ARHGAP21: variants seen among roughly 807,000 people sequenced by gnomAD.
The protein encoded by ARHGAP21 is rho GTPase-activating protein 21.
ARHGAP21 carries 38 observed loss-of-function variants against 164.6 expected under a neutral mutation model. The observed-to-expected ratio is 0.23, with a 90% CI of 0.18 to 0.30. The LOEUF (loss-of-function observed/expected upper bound fraction) is 0.30, where lower values mean the gene tolerates loss of function less well. Among genes scored for constraint, ARHGAP21 ranks in the 10% least tolerant of loss-of-function variants. ARHGAP21 has a pLI of 1.00. For synonymous variants in ARHGAP21, 766 were observed against 857.9 expected (o/e 0.89, Z 1.87); for missense variants, 1,822 against 2,370.7 (o/e 0.77, Z 4.81).
intron 4 of ARHGAP21, among the ~76,000 whole-genome samples, chr10:24,659,078 T>C (rs775722890): frequency 6.6e-6 from 1 of 152,192 alleles, no homozygotes; most frequent in African/African-American, 2.4e-5. Flanking sequence ...CCCTCATTCA[T>C]TGCTGGTGGA....
At chr10:24,596,394 G>A (rs1028040326) in intron 17 of ARHGAP21, 7 of 459,262 alleles carry the variant, frequency 1.5e-5, no homozygotes, top group African/African-American at 1.0e-4. Flanking sequence ...TAGCATGGGT[G>A]TTTTAAATAT....
chr10:24,666,483 T>A (rs1215417544), intron 4 of ARHGAP21, among the ~76,000 whole-genome samples: 6 of 152,230 alleles, frequency 3.9e-5, no homozygotes, highest in Non-Finnish European at 7.3e-5. Context: ...TTTTAACTCA[T>A]TCAAGTTGAT....
chr10:24,627,476 T>C (rs1235057013), intron 7 of ARHGAP21, among the ~76,000 whole-genome samples: 5 of 146,616 alleles, frequency 3.4e-5, no homozygotes, highest in Admixed American at 6.9e-5. Flanking sequence ...GGTTAAAAAG[T>C]AGAGTTTTCT....
intron 4 of ARHGAP21, among the ~76,000 whole-genome samples, chr10:24,645,050 A>G (rs571222998): frequency 1.1e-4 from 16 of 152,296 alleles, no homozygotes; most frequent in South Asian, 8.3e-4. Flanking sequence ...TGACACCTCC[A>G]TCTATCCAGT....
At chr10:24,601,812 ATTT>A (rs2076825197) in intron 13 of ARHGAP21, among the ~76,000 whole-genome samples, 163 bp downstream of exon 13, 1 of 152,114 alleles carries the variant, frequency 6.6e-6, no homozygotes, top group Non-Finnish European at 1.5e-5. Context: ...AATAATTAGA[ATTT>A]TTTTAAGGAA....
intron 6 of ARHGAP21, among the ~76,000 whole-genome samples, chr10:24,630,385 CAATT>C (rs1835737338): frequency 6.6e-6 from 1 of 152,136 alleles, no homozygotes; most frequent in Non-Finnish European, 1.5e-5. Flanking sequence ...TATCAGTATA[CAATT>C]ATTTATTGTT....
intron 2 of ARHGAP21, among the ~76,000 whole-genome samples, chr10:24,696,256 C>T (rs1457737612): frequency 6.6e-6 from 1 of 152,142 alleles, no homozygotes; most frequent in African/African-American, 2.4e-5. Context: ...CAGGGCGGCT[C>T]AAGTTCACAG....
At position 24,584,809 on chromosome 10, in the gene ARHGAP21, T is replaced by C. The variant is rs2076033949; in HGVS notation, c.5480A>G (p.Glu1827Gly). The C allele has an allele frequency of 3.1e-6, 5 of 1,613,958 alleles. No homozygotes were observed. The highest frequency in any genetic ancestry group is 3.4e-6 in the Non-Finnish European group (4 of 1,179,866). The part of the protein sequence containing the change: ...NFWKVHEQSG[E>G]RESELSAVNR... ...TACAGCTGAAAGTTCAGATTCTCTC[T>C]CCCCGCTCTGCTCATGCACTTTCCA... Residue 1827 changes from glutamate to glycine, a missense_variant, in exon 26 of 26, where the codon GAG becomes GGG. By Grantham distance (98) the Glu-to-Gly change is moderately conservative. This residue lies in a region of ARHGAP21 where 165 missense variants were observed against 176.6 expected (regional missense o/e 0.93). Transcript: ENST00000396432.
At chr10:24,656,289 G>T (rs71491196) in intron 4 of ARHGAP21, among the ~76,000 whole-genome samples, 3 of 106,008 alleles carry the variant, frequency 2.8e-5, no homozygotes, top group African/African-American at 4.1e-5. Context: ...GCCCCTACTG[G>T]GAAGTGAGGA....
chr10:24,720,320 A>G (rs780993172), intron 2 of ARHGAP21, among the ~76,000 whole-genome samples: 2 of 152,130 alleles, frequency 1.3e-5, no homozygotes, highest in Non-Finnish European at 2.9e-5. Context: ...AATGCTAATT[A>G]AAGTATTCAC....
At chr10:24,676,960 T>C (rs575366865) in intron 2 of ARHGAP21, among the ~76,000 whole-genome samples, 15 of 152,262 alleles carry the variant, frequency 9.9e-5, no homozygotes, top group Non-Finnish European at 1.8e-4. Flanking sequence ...TCCGAGCACT[T>C]TGAGAGGCTG....
At chr10:24,648,830 C>T in intron 4 of ARHGAP21, 1 of 983,406 alleles carries the variant, frequency 1.0e-6, no homozygotes, top group African/African-American at 1.8e-5. Context: ...TATATTCTTA[C>T]CATCACAGCC....
intron 19 of ARHGAP21, among the ~76,000 whole-genome samples, 181 bp from the exon 20 acceptor site, chr10:24,595,371 A>T (rs2076534027): frequency 6.6e-6 from 1 of 152,130 alleles, no homozygotes. Context: ...CAGCCTGTCC[A>T]TTCCTCCCCC....
rs541124894 is a variant in ARHGAP21 at position 24,635,641 on chromosome 10, G to A, written c.269-538C>T. 4.6e-5 allele frequency among the ~76,000 whole-genome samples: 7 copies of A among 152,162 alleles called. No individual in the cohort carries two copies. The East Asian group carries it at 1.4e-3, about 29-fold the overall frequency. On this transcript the variant is annotated intron_variant, in intron 4 of 25. Transcript: ENST00000396432. The stretch of plus-strand genomic sequence containing the variant: ...GGCTCACTGCAACCTCCACATCCCG[G>A]GTTCGAGTGATTCTCCTGCCTCAGC...
chr10:24,663,533 A>G (rs1282054715), intron 4 of ARHGAP21, among the ~76,000 whole-genome samples: 2 of 151,062 alleles, frequency 1.3e-5, no homozygotes, highest in Non-Finnish European at 2.9e-5. Context: ...GGTAATAACT[A>G]TTATTATTAT....
chr10:24,602,728 G>A (rs1212687546), intron 12 of ARHGAP21, among the ~76,000 whole-genome samples: 1 of 152,164 alleles, frequency 6.6e-6, no homozygotes, highest in Non-Finnish European at 1.5e-5. Flanking sequence ...CTCACTCTGA[G>A]TACTCTGTCA....
At position 24,602,052 on chromosome 10, in the gene ARHGAP21, A is replaced by G; in HGVS notation, c.2773T>C (p.Ser925Pro). The G allele has an allele frequency of 6.2e-7, 1 of 1,613,220 alleles. No homozygotes were observed. The highest frequency in any genetic ancestry group is 8.5e-7 in the Non-Finnish European group (1 of 1,179,946). ...GCAGCATCACTGAAGACCTCTGAGGAAGAATCTTTTCTGGACCCAGAGTCT... is the reference window on the plus strand; with the variant it reads ...GCAGCATCACTGAAGACCTCTGAGGGAGAATCTTTTCTGGACCCAGAGTCT... ...SEDSGSRKDS[S>P]SEVFSDAAKE... Residue 925 changes from serine (S) to proline (P), a missense_variant, in exon 13 of 26, where the codon TCC becomes CCC. Around this residue, in one of 5 missense-constraint regions of ARHGAP21, gnomAD observed 1,090 missense variants for 1,378.9 expected, o/e 0.79. Transcript: ENST00000396432.
intron 3 of ARHGAP21, among the ~76,000 whole-genome samples, 196 bp from the exon 4 acceptor site, chr10:24,667,205 A>G (rs1009783735): frequency 6.6e-6 from 1 of 152,240 alleles, no homozygotes; most frequent in Non-Finnish European, 1.5e-5. Context: ...CCCATCTTCA[A>G]TAACAGTATA....
Position 24,666,998 on chromosome 10 carries a change from A to G in ARHGAP21, c.255T>C (p.Asn85=). The G allele has an allele frequency of 7.0e-7, 1 of 1,420,076 alleles. No individual in the cohort carries two copies. Among genetic ancestry groups the G allele is most frequent in the Middle Eastern group, 1.9e-4 (1 of 5,314 alleles). 88.0% of individuals were successfully genotyped at this position (1,420,076 alleles called of 1,614,324 possible). A position where few individuals can be genotyped will look rare whatever the true frequency, so the allele number is the denominator to read the frequency against. ...AIQFSYKDEE[N]GNRGGKQRNR... Reference sequence around the variant, plus strand: ...TTTATAGCATACCTCCTCTGTTTCCATTTTCTTCATCCTACAAATGAAAAT... The same window carrying G: ...TTTATAGCATACCTCCTCTGTTTCCGTTTTCTTCATCCTACAAATGAAAAT... The change falls in exon 4 of 26, where the codon AAT becomes AAC. Residue 85 remains asparagine, a synonymous_variant. Transcript: ENST00000396432.
Sources: allele counts gnomAD v4.1 joint callset (sites outside exome capture counted in the v4.1 genomes callset), GRCh38; gene constraint gnomAD v4.1.1; regional missense constraint gnomAD v4.1.1; transcripts MANE v1.5; gene names NCBI Gene and HGNC (gene_info 2026-07-23, HGNC 2026-07-21).